Variants in PVT1 observed in about 807,000 individuals in gnomAD.
PVT1 encodes Pvt1 oncogene.
At chr8:127,930,145 G>GC (rs1176465478) in intron 3 of PVT1, among the ~76,000 whole-genome samples, 1 of 152,050 alleles carries the variant, frequency 6.6e-6, no homozygotes, top group Non-Finnish European at 1.5e-5. Flanking sequence ...CCTCTGGTGG[G>GC]GCGGTGCGGA....
At chr8:127,814,717 A>G (rs1471419693) in intron 2 of PVT1, among the ~76,000 whole-genome samples, 2 of 152,188 alleles carry the variant, frequency 1.3e-5, no homozygotes, top group African/African-American at 4.8e-5. Context: ...TAACTGTACA[A>G]TTCAGTGGCA....
intron 2 of PVT1, among the ~76,000 whole-genome samples, chr8:127,861,211 CTA>C (rs1325480382): frequency 1.3e-5 from 2 of 152,208 alleles, no homozygotes; most frequent in Non-Finnish European, 2.9e-5. Context: ...TTCCAACTAA[CTA>C]TCCTTTTTTA....
At chr8:127,959,500 G>A (rs1323599387) in intron 3 of PVT1, among the ~76,000 whole-genome samples, 1 of 149,702 alleles carries the variant, frequency 6.7e-6, no homozygotes, top group Admixed American at 6.7e-5. Flanking sequence ...CAAGAGAATC[G>A]CTTGAACCCG....
intron 3 of PVT1, among the ~76,000 whole-genome samples, chr8:127,988,589 A>AT (rs541599336): frequency 6.6e-6 from 1 of 152,210 alleles, no homozygotes; most frequent in Non-Finnish European, 1.5e-5. Flanking sequence ...GTGAGGCTAC[A>AT]TTTTTTTGTT....
intron 5 of PVT1, among the ~76,000 whole-genome samples, chr8:128,077,378 C>A (rs970936110): frequency 2.0e-5 from 3 of 152,158 alleles, no homozygotes; most frequent in Admixed American, 2.0e-4. Flanking sequence ...AGGTGACTAA[C>A]CCTCTCCTAG....
intron 6 of PVT1, chr8:128,101,099 T>A (rs1216654902): frequency 6.6e-6 from 1 of 151,874 alleles, no homozygotes; most frequent in Non-Finnish European, 1.5e-5. Flanking sequence ...CCCCAACCAC[T>A]CAGCAGCAAG....
chr8:127,795,556 G>T (rs1814385907), intron 1 of PVT1, among the ~76,000 whole-genome samples: 1 of 152,064 alleles, frequency 6.6e-6, no homozygotes, highest in East Asian at 1.9e-4. Flanking sequence ...TTCCTTTCTG[G>T]TATTAGGTTT....
intron 3 of PVT1, among the ~76,000 whole-genome samples, chr8:127,961,357 C>T (rs1015355854): frequency 1.5e-4 from 23 of 152,186 alleles, no homozygotes; most frequent in African/African-American, 5.1e-4. Context: ...AGAGAAGTCC[C>T]TGAACGCGGT....
intron 3 of PVT1, among the ~76,000 whole-genome samples, chr8:127,986,533 AC>A (rs1816972470): frequency 6.6e-6 from 1 of 151,880 alleles, no homozygotes; most frequent in Non-Finnish European, 1.5e-5. Flanking sequence ...CAGCCACCTG[AC>A]CCTTCAGTCC....
At chr8:128,004,669 C>T (rs1393964776) in intron 4 of PVT1, among the ~76,000 whole-genome samples, 1 of 152,178 alleles carries the variant, frequency 6.6e-6, no homozygotes, top group Middle Eastern at 3.2e-3. Flanking sequence ...AGACTAGTCT[C>T]CAGATACCAC....
chr8:128,039,722 A>C (rs1412525950), intron 4 of PVT1, among the ~76,000 whole-genome samples: 2 of 152,166 alleles, frequency 1.3e-5, no homozygotes, highest in Non-Finnish European at 2.9e-5. Context: ...TTTTAATGAG[A>C]TCCTTCTGGC....
chr8:127,831,976 C>T (rs1263098107), intron 2 of PVT1, among the ~76,000 whole-genome samples: 1 of 152,182 alleles, frequency 6.6e-6, no homozygotes, highest in Non-Finnish European at 1.5e-5. Flanking sequence ...TATTTACCTA[C>T]CCATTAGCTC....
intron 4 of PVT1, among the ~76,000 whole-genome samples, chr8:127,991,122 C>CT (rs1212817804): frequency 7.0e-6 from 1 of 143,698 alleles, no homozygotes; most frequent in Non-Finnish European, 1.5e-5. Flanking sequence ...CTACGTAGCT[C>CT]TTTTTTTTCT....
At chr8:128,015,620 A>C (rs532382755) in intron 4 of PVT1, among the ~76,000 whole-genome samples, 1 of 152,130 alleles carries the variant, frequency 6.6e-6, no homozygotes, top group Non-Finnish European at 1.5e-5. Context: ...TAAAAACACC[A>C]AAATTAACTG....
intron 2 of PVT1, among the ~76,000 whole-genome samples, chr8:127,888,858 T>G (rs1815559005): frequency 6.6e-6 from 1 of 152,250 alleles, no homozygotes; most frequent in Non-Finnish European, 1.5e-5. Context: ...TGTAAGATCA[T>G]AAGTGTGTGC....
intron 4 of PVT1, chr8:128,049,003 G>T (rs1813653455): frequency 8.5e-6 from 3 of 352,408 alleles, no homozygotes; most frequent in Non-Finnish European, 1.7e-5. Flanking sequence ...TGGACTCTGT[G>T]TTCTGCAGCC....
intron 2 of PVT1, among the ~76,000 whole-genome samples, chr8:127,881,805 T>C (rs1037708425): frequency 3.9e-5 from 6 of 152,220 alleles, no homozygotes; most frequent in African/African-American, 1.2e-4. Context: ...ACCTAGGCTG[T>C]TGGCTCACTG....
chr8:127,861,762 G>C (rs1018890310), intron 2 of PVT1, among the ~76,000 whole-genome samples: 5 of 152,204 alleles, frequency 3.3e-5, no homozygotes, highest in Admixed American at 3.3e-4. Context: ...GAAGAAAGTT[G>C]TCAAAGCCCC....
At chr8:127,944,127 G>T (rs1421775333) in intron 3 of PVT1, among the ~76,000 whole-genome samples, 2 of 152,106 alleles carry the variant, frequency 1.3e-5, no homozygotes, top group East Asian at 1.9e-4. Context: ...GATGGGGGTG[G>T]CCCAGGCTGG....
Sources: gnomAD v4.1 joint callset for allele counts (sites outside exome capture counted in the v4.1 genomes callset) on GRCh38, gnomAD v4.1.1 for gene constraint, MANE v1.5 for transcripts, NCBI Gene and HGNC (gene_info 2026-07-23, HGNC 2026-07-21) for gene names.